KCNJ6: variants seen among roughly 807,000 people sequenced by gnomAD.
KCNJ6 encodes the protein G protein-activated inward rectifier potassium channel 2.
KCNJ6 carries 9 observed loss-of-function variants against 34.2 expected under a neutral mutation model. That is an observed-to-expected ratio of 0.26 (90% CI 0.16 to 0.46). The LOEUF (loss-of-function observed/expected upper bound fraction) is 0.46, where lower values mean the gene tolerates loss of function less well. Among genes scored for constraint, KCNJ6 ranks in the 20% least tolerant of loss-of-function variants. KCNJ6 has a pLI of 1.00. For synonymous variants in KCNJ6, 196 were observed against 207.1 expected, an observed-to-expected ratio of 0.95 and a Z score of 0.46; for missense variants, 236 against 531.3, an observed-to-expected ratio of 0.44 and a Z score of 5.46.
At chr21:37,667,864 T>C (rs1268210986) in intron 3 of KCNJ6, among the ~76,000 whole-genome samples, 6 of 152,068 alleles carry the variant, frequency 3.9e-5, no homozygotes, top group Admixed American at 6.5e-5. Context: ...TCTCGTGCAG[T>C]TGGGCCAGAG....
intron 2 of KCNJ6, among the ~76,000 whole-genome samples, chr21:37,805,598 G>A (rs1484472310): frequency 1.4e-5 from 2 of 142,890 alleles, no homozygotes; most frequent in Admixed American, 1.5e-4. Flanking sequence ...TTATTGATTT[G>A]TGTTACCAAA....
intron 2 of KCNJ6, among the ~76,000 whole-genome samples, chr21:37,740,672 T>G (rs560022015): frequency 6.6e-6 from 1 of 152,368 alleles, no homozygotes; most frequent in Admixed American, 6.5e-5. Flanking sequence ...CACTCATATT[T>G]GGCTCAGAAT....
At chr21:37,893,627 G>T (rs2055773545) in intron 1 of KCNJ6, among the ~76,000 whole-genome samples, 1 of 150,786 alleles carries the variant, frequency 6.6e-6, no homozygotes, top group Non-Finnish European at 1.5e-5. Context: ...TACGGCTGGA[G>T]AAGCCTTTTT....
intron 2 of KCNJ6, among the ~76,000 whole-genome samples, chr21:37,724,600 T>C (rs858039): frequency 0.4 from 60,932 of 151,762 alleles, 12,750 homozygotes; most frequent in Admixed American, 0.48. Flanking sequence ...CCAATGGCGG[T>C]TGGGTAGTAT....
In KCNJ6 at chr21:37,675,170, G is replaced by A. The variant is rs2054559007; in HGVS notation, c.946+39041C>T. On this transcript the variant is annotated intron_variant, in intron 3 of 3. Coordinates refer to ENST00000609713, the MANE Select transcript of KCNJ6 (RefSeq NM_002240.5). This position sits in a 1 kb window ranked among gnomAD's most constrained non-coding sequence, Gnocchi z 4.2. The stretch of plus-strand genomic sequence containing the variant: ...TCTTTTATTTAATGTGATATTCCCA[G>A]CGTCTGGCAATGTAGCAGGGGCTCC... Among the ~76,000 whole-genome samples the A allele has an allele frequency of 6.6e-6, 1 of 152,152 alleles. No homozygotes were observed. Among genetic ancestry groups the A allele is most frequent in the African/African-American group, 2.4e-5 (1 of 41,418 alleles).
chr21:37,747,096 C>CA (rs1463720035), intron 2 of KCNJ6, among the ~76,000 whole-genome samples: 2 of 152,168 alleles, frequency 1.3e-5, no homozygotes, highest in East Asian at 1.9e-4. Context: ...CCCACACATG[C>CA]ATGAAGAGAG....
intron 2 of KCNJ6, among the ~76,000 whole-genome samples, chr21:37,806,418 A>G (rs1003881241): frequency 1.9e-4 from 29 of 152,164 alleles, no homozygotes; most frequent in African/African-American, 7.0e-4. Context: ...AAAATAGACA[A>G]TTGGCATGAA....
intron 2 of KCNJ6, among the ~76,000 whole-genome samples, chr21:37,823,049 A>C (rs2055381510): frequency 6.6e-6 from 1 of 152,182 alleles, no homozygotes; most frequent in African/African-American, 2.4e-5. Flanking sequence ...CATGTTGAAG[A>C]GGGAGGGACA....
chr21:37,822,685 C>T (rs1480225031), intron 2 of KCNJ6, among the ~76,000 whole-genome samples: 2 of 152,176 alleles, frequency 1.3e-5, no homozygotes, highest in African/African-American at 4.8e-5. Context: ...CCTCTAATCT[C>T]TATGGATTCG....
At chr21:37,801,964 A>G (rs1416473769) in intron 2 of KCNJ6, among the ~76,000 whole-genome samples, 3 of 152,242 alleles carry the variant, frequency 2.0e-5, no homozygotes, top group Non-Finnish European at 4.4e-5. Flanking sequence ...TAGAGTGACT[A>G]TGCTCAGAGA....
chr21:37,910,971 A>G (rs1054371359), intron 1 of KCNJ6, among the ~76,000 whole-genome samples: 1 of 152,230 alleles, frequency 6.6e-6, no homozygotes, highest in African/African-American at 2.4e-5. Context: ...AAATAAATGA[A>G]TATTTACAAC....
chr21:37,757,457 C>T (rs1443303597), intron 2 of KCNJ6, among the ~76,000 whole-genome samples: 9 of 64,142 alleles, frequency 1.4e-4, no homozygotes, highest in South Asian at 5.7e-4. Flanking sequence ...GATTCCAGCC[C>T]GGAGTGAGCT....
intron 3 of KCNJ6, among the ~76,000 whole-genome samples, chr21:37,650,557 C>T (rs8133751): frequency 0.095 from 14,513 of 152,220 alleles, 885 homozygotes; most frequent in South Asian, 0.24. Flanking sequence ...TACGCTTCCT[C>T]TCCCTCTGTT....
chr21:37,852,180 G>A (rs534246032), intron 1 of KCNJ6, among the ~76,000 whole-genome samples: 8 of 152,328 alleles, frequency 5.3e-5, no homozygotes, highest in African/African-American at 1.9e-4. Flanking sequence ...CTGTTGTCAG[G>A]ATGGTGTCAG....
intron 1 of KCNJ6, among the ~76,000 whole-genome samples, chr21:37,865,993 ACTT>A (rs1477980417): frequency 6.6e-6 from 1 of 152,176 alleles, no homozygotes; most frequent in African/African-American, 2.4e-5. Flanking sequence ...ATATCAGGAA[ACTT>A]CTTAGACTAC....
chr21:37,711,546 G>C (rs2054752195), intron 3 of KCNJ6, among the ~76,000 whole-genome samples: 1 of 152,208 alleles, frequency 6.6e-6, no homozygotes, highest in Non-Finnish European at 1.5e-5. Context: ...AGATCCCTGT[G>C]AATTTGTTTT....
At chr21:37,638,968 A>G (rs1217263205) in intron 3 of KCNJ6, among the ~76,000 whole-genome samples, 1 of 152,238 alleles carries the variant, frequency 6.6e-6, no homozygotes, top group Non-Finnish European at 1.5e-5. Flanking sequence ...CTTATGCAAG[A>G]CTCAGACCTC....
In KCNJ6 at chr21:37,886,593, G is replaced by A. The variant is rs527323932; in HGVS notation, c.-28+29291C>T. 9.2e-5 allele frequency among the ~76,000 whole-genome samples: 14 copies of A among 152,294 alleles called. No homozygotes were observed. The South Asian group carries it at 1.0e-3, about 11-fold the overall frequency. ...AAAGGCACTTTTAATAAGGCATCAC[G>A]CATATAGGCTACTTTTAAGTATAAC... On this transcript the variant is annotated intron_variant, in intron 1 of 3. Transcript: ENST00000609713.
chr21:37,771,445 C>T (rs994286526), intron 2 of KCNJ6, among the ~76,000 whole-genome samples: 18 of 152,200 alleles, frequency 1.2e-4, no homozygotes, highest in African/African-American at 4.3e-4. Context: ...TCAGACTTGA[C>T]TAGCCAGCTG....
Sources: gnomAD v4.1 joint callset for allele counts (sites outside exome capture counted in the v4.1 genomes callset) on GRCh38, gnomAD v4.1.1 for gene constraint, Gnocchi (gnomAD v3.1) non-coding constraint, MANE v1.5 for transcripts, NCBI Gene and HGNC (gene_info 2026-07-23, HGNC 2026-07-21) for gene names.